Variants in SIRPA observed in about 807,000 individuals in gnomAD.
SIRPA encodes the protein signal regulatory protein alpha, also known as tyrosine-protein phosphatase non-receptor type substrate 1.
Under a neutral mutation model 50.3 loss-of-function variants are expected in SIRPA, and 9 were observed. The observed-to-expected ratio is 0.18, with a 90% CI of 0.11 to 0.31. The LOEUF (loss-of-function observed/expected upper bound fraction) is 0.31. SIRPA is among the 10% of genes least tolerant of loss of function. The pLI is 1.00. For synonymous variants in SIRPA, 265 were observed against 284.1 expected, an observed-to-expected ratio of 0.93 and a Z score of 0.68; for missense variants, 474 against 661.6, an observed-to-expected ratio of 0.72 and a Z score of 3.11.
In SIRPA at chr20:1,927,468, A is replaced by T. The variant is rs957776773; in HGVS notation, c.1202-407A>T. On this transcript the variant is annotated intron_variant, in intron 5 of 7. Coordinates refer to ENST00000358771, the MANE Select transcript of SIRPA (RefSeq NM_001040023.2). This position sits in a 1 kb window ranked among gnomAD's most constrained non-coding sequence, Gnocchi z 6.5. The stretch of plus-strand genomic sequence containing the variant: ...AGTGGGTAGCAGACCCGGGGTTCAC[A>T]CATGATCCCCGATTTGCAGCCCTGC... Among the ~76,000 whole-genome samples, 6 of 152,214 alleles carry T rather than the reference A, an allele frequency of 3.9e-5. No individual in the cohort carries two copies. Among genetic ancestry groups the T allele is most frequent in the African/African-American group, 1.2e-4 (5 of 41,450 alleles).
upstream of SIRPA, chr20:1,895,191 C>A (rs1382355002): frequency 8.1e-5 from 30 of 368,324 alleles, no homozygotes; most frequent in East Asian, 1.3e-3. Flanking sequence ...TCTCTGGCCG[C>A]CCCTGGCTTT....
chr20:1,926,701 T>C (rs909020136), intron 5 of SIRPA, among the ~76,000 whole-genome samples: 4 of 152,216 alleles, frequency 2.6e-5, no homozygotes, highest in Non-Finnish European at 4.4e-5. Flanking sequence ...ATGAGGAAAC[T>C]GAGGCATGGG....
At position 1,921,505 on chromosome 20, in the gene SIRPA, A is replaced by C. The variant is rs1323601039; in HGVS notation, c.547A>C (p.Lys183Gln). The change falls in exon 3 of 8, where the codon AAA becomes CAA. Residue 183 changes from lysine to glutamine, a missense_variant. By Grantham distance (53) the Lys-to-Gln change is moderately conservative (BLOSUM62 1). Transcript: ENST00000358771. ...CTTCTCACCCAGAGACATCACCCTG[A>C]AATGGTTCAAAAATGGGAATGAGCT... ...HGFSPRDITL[K>Q]WFKNGNELSD... The C allele has an allele frequency of 6.2e-7, 1 of 1,613,926 alleles. No homozygotes were observed. Among genetic ancestry groups the C allele is most frequent in the Non-Finnish European group, 8.5e-7 (1 of 1,179,938 alleles).
chr20:1,937,427 C>A lies in SIRPA; in HGVS notation c.1374C>A (p.Thr458=). Reference sequence around the variant, plus strand: ...ACACGGAGTATGCCAGCATTCAGACCAGCCCGCAGCCCGCGTCGGAGGACA... The same window carrying A: ...ACACGGAGTATGCCAGCATTCAGACAAGCCCGCAGCCCGCGTCGGAGGACA... ...NNHTEYASIQ[T]SPQPASEDTL... The change falls in exon 8 of 8, where the codon ACC becomes ACA. Residue 458 remains threonine, a synonymous_variant. Transcript: ENST00000358771. The surrounding 1 kb of genome is among the most constrained non-coding windows in gnomAD (Gnocchi z 8.3). 1 of 1,614,128 alleles carries A rather than the reference C, an allele frequency of 6.2e-7. No individual in the cohort carries two copies. Among genetic ancestry groups the A allele is most frequent in the Non-Finnish European group, 8.5e-7 (1 of 1,180,026 alleles).
At chr20:1,903,011 C>CAAAAAAAAAAAAAAAAAAAAAAAAA (rs58735842) in intron 1 of SIRPA, among the ~76,000 whole-genome samples, 1 of 90,892 alleles carries the variant, frequency 1.1e-5, no homozygotes, top group African/African-American at 4.2e-5. Context: ...GACTCTGTCT[C>CAAAAAAAAAAAAAAAAAAAAAAAAA]AAAAAAAAAA....
intron 2 of SIRPA, among the ~76,000 whole-genome samples, chr20:1,918,360 C>CTTTT (rs60736526): frequency 4.2e-5 from 4 of 95,694 alleles, no homozygotes; most frequent in Non-Finnish European, 6.1e-5. Context: ...ACCACACCAG[C>CTTTT]TTTTTTTTTT....
At chr20:1,908,277 C>T (rs942642937) in intron 1 of SIRPA, among the ~76,000 whole-genome samples, 1 of 152,020 alleles carries the variant, frequency 6.6e-6, no homozygotes, top group Non-Finnish European at 1.5e-5. Context: ...CATGTGCATA[C>T]CTCCCTGCTT....
chr20:1,936,733 G>A lies in SIRPA; in HGVS notation c.1267-587G>A, dbSNP rs1450652110. ...CCCAGTGAATATTTGTGGAATAAAC[G>A]CATACATTAATGAATGTCCCCACAC... On this transcript the variant is annotated intron_variant, in intron 7 of 7. Transcript: ENST00000358771. The surrounding 1 kb of genome is among the most constrained non-coding windows in gnomAD (Gnocchi z 4.2). Among the ~76,000 whole-genome samples the A allele has an allele frequency of 1.3e-5, 2 of 152,102 alleles. No homozygotes were observed. Among genetic ancestry groups the A allele is most frequent in the East Asian group, 1.9e-4 (1 of 5,190 alleles).
At chr20:1,913,611 ACCAGGTAGCTG>A (rs1985035356) in intron 1 of SIRPA, among the ~76,000 whole-genome samples, 1 of 152,034 alleles carries the variant, frequency 6.6e-6, no homozygotes, top group East Asian at 1.9e-4. Flanking sequence ...TCACCTGCAT[ACCAGGTAGCTG>A]CCACTCCTCT....
Position 1,934,860 on chromosome 20 carries a change from G to A in SIRPA, c.1266+106G>A. ...TCTAAATTAAGACTCCTTGTGGGGT[G>A]GAGGGTGGAGGATCTTACACTCCTA... is the stretch of plus-strand genomic sequence containing the variant. On this transcript the variant is annotated intron_variant, in intron 7 of 7. Coordinates refer to ENST00000358771, the MANE Select transcript of SIRPA (RefSeq NM_001040023.2). The surrounding 1 kb of genome is among the most constrained non-coding windows in gnomAD (Gnocchi z 4.6). The A allele has an allele frequency of 3.3e-6, 4 of 1,210,802 alleles. No homozygotes were observed. The highest frequency in any genetic ancestry group is 2.3e-5 in the East Asian group (1 of 42,834). The allele number at this position is 1,210,802 out of a possible 1,614,324, so 75.0% of individuals were successfully genotyped here.
rs1424564487 is a variant in SIRPA, at chr20:1,936,365, A to T, written c.1267-955A>T. ...CAATAGGTACCAGGCTCTGTTCTAA[A>T]CGCTTTACCTGGATAATCTCATTCC... On this transcript the variant is annotated intron_variant, in intron 7 of 7. Transcript: ENST00000358771. The surrounding 1 kb of genome is among the most constrained non-coding windows in gnomAD (Gnocchi z 4.2). 1.3e-5 allele frequency among the ~76,000 whole-genome samples: 2 copies of T among 152,176 alleles called. No homozygotes were observed. The highest frequency in any genetic ancestry group is 2.9e-5 in the Non-Finnish European group (2 of 68,028).
intron 4 of SIRPA, 133 bp downstream of exon 4, chr20:1,922,778 T>C (rs1985745395): frequency 8.9e-7 from 1 of 1,120,962 alleles, no homozygotes; most frequent in South Asian, 1.7e-5. Flanking sequence ...AGAATTTTAA[T>C]GTCAGCTCCA....
chr20:1,895,295 G>C (rs1983715785), upstream of SIRPA: 6 of 466,454 alleles, frequency 1.3e-5, no homozygotes, highest in East Asian at 2.2e-4. Flanking sequence ...CGGCGGCGGC[G>C]GCGGCCGCTC....
intron 2 of SIRPA, among the ~76,000 whole-genome samples, chr20:1,917,062 A>T (rs1028984214): frequency 2.0e-5 from 3 of 152,198 alleles, no homozygotes; most frequent in African/African-American, 7.2e-5. Context: ...GGTGTGACCC[A>T]GATCTGCTGA....
At position 1,937,749 on chromosome 20, in the gene SIRPA, C is replaced by A. The variant is rs1376018348; in HGVS notation, c.*181C>A. 3.4e-5 allele frequency: 25 copies of A among 731,238 alleles called. No individual in the cohort carries two copies. The highest frequency in any genetic ancestry group is 7.5e-4 in the Middle Eastern group (2 of 2,680). 45.3% of individuals were successfully genotyped at this position (731,238 alleles called of 1,614,324 possible). A position where few individuals can be genotyped will look rare whatever the true frequency, so the allele number is the denominator to read the frequency against. On this transcript the variant is annotated 3_prime_UTR_variant, in exon 8 of 8. Coordinates refer to ENST00000358771, the MANE Select transcript of SIRPA (RefSeq NM_001040023.2). This position sits in a 1 kb window ranked among gnomAD's most constrained non-coding sequence, Gnocchi z 8.3. Reference sequence around the variant, plus strand: ...CCTTGGCTCTCCAGCACTTCCTGGGCAGCCACGGCCCCCTCCCCCCACATT... The same window carrying A: ...CCTTGGCTCTCCAGCACTTCCTGGGAAGCCACGGCCCCCTCCCCCCACATT...
rs1986022482 is a variant in SIRPA, at chr20:1,927,062, C to T, written c.1202-813C>T. Among the ~76,000 whole-genome samples, 1 of 152,254 alleles carries T rather than the reference C, an allele frequency of 6.6e-6. No homozygotes were observed. Among genetic ancestry groups the T allele is most frequent in the Admixed American group, 6.5e-5 (1 of 15,292 alleles). Reference sequence around the variant, plus strand: ...CTCAGACTTTCGGTGCTGAGCACAGCTTCCAACTGGTACACCTCATCTAAA... The same window carrying T: ...CTCAGACTTTCGGTGCTGAGCACAGTTTCCAACTGGTACACCTCATCTAAA... On this transcript the variant is annotated intron_variant, in intron 5 of 7. Coordinates refer to ENST00000358771, the MANE Select transcript of SIRPA (RefSeq NM_001040023.2). The surrounding 1 kb of genome is among the most constrained non-coding windows in gnomAD (Gnocchi z 6.5).
chr20:1,913,394 C>G (rs1183483978), intron 1 of SIRPA, among the ~76,000 whole-genome samples: 1 of 152,224 alleles, frequency 6.6e-6, no homozygotes, highest in East Asian at 1.9e-4. Context: ...CTGCCCTGCC[C>G]CTGCCAGTGG....
intron 1 of SIRPA, among the ~76,000 whole-genome samples, chr20:1,907,183 A>G (rs1362470243): frequency 6.6e-6 from 1 of 152,128 alleles, no homozygotes; most frequent in Non-Finnish European, 1.5e-5. Flanking sequence ...TACCCAGGGC[A>G]AGGGTGAAGG....
At position 1,901,527 on chromosome 20, in the gene SIRPA, C is replaced by T. The variant is rs550793967; in HGVS notation, c.79+6001C>T. On this transcript the variant is annotated intron_variant, in intron 1 of 7. Coordinates refer to ENST00000358771, the MANE Select transcript of SIRPA (RefSeq NM_001040023.2). ...ATGAGGTGGGGGCAGTGTGTGTCCC[C>T]AAGGTGTGTCCCTGTCCCCATACTA... is the stretch of plus-strand genomic sequence containing the variant. 4.3e-4 allele frequency among the ~76,000 whole-genome samples: 65 copies of T among 152,236 alleles called. No individual in the cohort carries two copies. In the South Asian group the frequency reaches 0.013, roughly 32 times the overall value.
Sources: allele counts gnomAD v4.1 joint callset (sites outside exome capture counted in the v4.1 genomes callset), GRCh38; gene constraint gnomAD v4.1.1; non-coding constraint Gnocchi (gnomAD v3.1); transcripts MANE v1.5; gene names NCBI Gene and HGNC (gene_info 2026-07-23, HGNC 2026-07-21).